Variants in DDC observed in about 807,000 individuals in gnomAD.
The protein encoded by DDC is aromatic-L-amino-acid decarboxylase.
DDC carries 43 observed loss-of-function variants against 60.0 expected under a neutral mutation model. That is an observed-to-expected ratio of 0.72 (90% confidence interval 0.56 to 0.92). The LOEUF (loss-of-function observed/expected upper bound fraction) is 0.92, where lower values mean the gene tolerates loss of function less well. DDC is among the 40% of genes least tolerant of loss of function. The pLI is 0.00. For synonymous variants in DDC, 232 were observed against 234.6 expected (o/e 0.99, Z 0.10); for missense variants, 573 against 620.2 (o/e 0.92, Z 0.81).
At chr7:50,459,168 G>T (rs568850859) in intron 14 of DDC, among the ~76,000 whole-genome samples, 4 of 152,204 alleles carry the variant, frequency 2.6e-5, no homozygotes, top group African/African-American at 7.2e-5. Context: ...TGTGTTGGCC[G>T]GGCTGGTCTC....
Position 50,529,296 on chromosome 7 carries a change from G to A in DDC, c.482C>T (p.Thr161Ile), listed in dbSNP as rs1000720370. Residue 161 changes from threonine (T) to isoleucine (I), a missense_variant, in exon 5 of 15, where the codon ACC becomes ATC. Transcript: ENST00000444124. ...TGCCTGCAGCCGATGGATCACTTTG[G>A]TCCGAGCGGCCAGCAGGGCCACCAG... ...ATLVALLAARTKVIHRLQAAS... is the reference protein window; with the variant it reads ...ATLVALLAARIKVIHRLQAAS... 3.1e-6 allele frequency: 5 copies of A among 1,614,196 alleles called. No homozygotes were observed. The East Asian group carries it at 1.1e-4, about 36-fold the overall frequency.
rs752004299 is a variant in DDC at position 50,495,421 on chromosome 7, C to A, written c.877-4G>T. On this transcript the variant is annotated splice_polypyrimidine_tract_variant and splice_region_variant and intron_variant, in intron 8 of 14. Coordinates refer to ENST00000444124, the MANE Select transcript of DDC (RefSeq NM_001082971.2). ...TAAAGTTGAATGAATCTGCAAACTG[C>A]CAAAGAACAAGAGTAAGAAAAAGAA... The A allele has an allele frequency of 1.9e-6, 3 of 1,605,180 alleles. No homozygotes were observed. Among genetic ancestry groups the A allele is most frequent in the Non-Finnish European group, 2.6e-6 (3 of 1,172,874 alleles).
At chr7:50,486,465 TAAAC>T (rs2042882081) in intron 9 of DDC, among the ~76,000 whole-genome samples, 1 of 152,218 alleles carries the variant, frequency 6.6e-6, no homozygotes, top group South Asian at 2.1e-4. Flanking sequence ...AGCTATCAAA[TAAAC>T]AAATCAGTAA....
At chr7:50,525,826 A>G (rs1055760881) in intron 6 of DDC, among the ~76,000 whole-genome samples, 2 of 152,094 alleles carry the variant, frequency 1.3e-5, no homozygotes, top group African/African-American at 4.8e-5. Context: ...TGAGCATGAC[A>G]TATTTATCAG....
At chr7:50,469,993 G>GAAAAA (rs1470888362) in intron 12 of DDC, 80 bp downstream of exon 12, 2 of 798,908 alleles carry the variant, frequency 2.5e-6, no homozygotes, top group Non-Finnish European at 4.0e-6. Context: ...AAAAAAAAAA[G>GAAAAA]AAAAAAAATT....
chr7:50,464,001 T>C (rs1466248794), intron 13 of DDC, among the ~76,000 whole-genome samples: 1 of 152,034 alleles, frequency 6.6e-6, no homozygotes, highest in Non-Finnish European at 1.5e-5. Flanking sequence ...CTGGTATCAA[T>C]AAGCCAATGG....
At chr7:50,500,724 C>T (rs983855226) in intron 7 of DDC, among the ~76,000 whole-genome samples, 1 of 152,172 alleles carries the variant, frequency 6.6e-6, no homozygotes, top group Non-Finnish European at 1.5e-5. Flanking sequence ...TATCCGTGTC[C>T]GCAGGACACA....
intron 4 of DDC, among the ~76,000 whole-genome samples, chr7:50,531,032 C>A (rs1585240976): frequency 6.6e-6 from 1 of 152,162 alleles, no homozygotes; most frequent in African/African-American, 2.4e-5. Context: ...GTTTCTGTAG[C>A]ACTAATGGAT....
At chr7:50,553,097 C>T (rs190204560) in intron 1 of DDC, among the ~76,000 whole-genome samples, 2 of 152,356 alleles carry the variant, frequency 1.3e-5, no homozygotes, top group East Asian at 3.9e-4. Flanking sequence ...CAAGCCCATC[C>T]ACGCCACTGT....
chr7:50,479,459 T>A (rs917196683), intron 10 of DDC, among the ~76,000 whole-genome samples: 4 of 152,256 alleles, frequency 2.6e-5, no homozygotes, highest in African/African-American at 9.6e-5. Context: ...TGTCATTATG[T>A]TAAAGACGTT....
At position 50,539,860 on chromosome 7, in the gene DDC, C is replaced by A. The variant is rs1585259804; in HGVS notation, c.315+55G>T. The A allele has an allele frequency of 1.0e-5, 14 of 1,396,306 alleles. No homozygotes were observed. In the South Asian group the frequency reaches 1.4e-4, roughly 14 times the overall value. The allele number at this position is 1,396,306 out of a possible 1,614,324, so 86.5% of individuals were successfully genotyped here. A position where few individuals can be genotyped will look rare whatever the true frequency, so the allele number is the denominator to read the frequency against. On this transcript the variant is annotated intron_variant, in intron 3 of 14. Coordinates refer to ENST00000444124, the MANE Select transcript of DDC (RefSeq NM_001082971.2). ...CTTGTGCATAGGTACCGTGTCCCCA[C>A]CCCGGGATCCCACCACAGCCAGGAC...
chr7:50,515,580 T>C (rs1374156587), intron 6 of DDC, among the ~76,000 whole-genome samples: 2 of 152,212 alleles, frequency 1.3e-5, no homozygotes, highest in Non-Finnish European at 2.9e-5. Context: ...GGGTACCTCA[T>C]ATTTCAATAC....
At chr7:50,478,395 T>C (rs970215651) in intron 10 of DDC, among the ~76,000 whole-genome samples, 3 of 152,228 alleles carry the variant, frequency 2.0e-5, no homozygotes, top group Admixed American at 2.0e-4. Context: ...CTTCAACAGA[T>C]GAGCCACGTT....
chr7:50,483,149 A>AAGTAAAG, intron 9 of DDC, among the ~76,000 whole-genome samples: 1 of 152,060 alleles, frequency 6.6e-6, no homozygotes, highest in African/African-American at 2.4e-5. Context: ...GTTTTTTGGT[A>AAGTAAAG]GTTACCTTTT....
chr7:50,511,112 A>C (rs2043564583), intron 6 of DDC, among the ~76,000 whole-genome samples: 1 of 150,726 alleles, frequency 6.6e-6, no homozygotes, highest in Non-Finnish European at 1.5e-5. Context: ...ATTTAATAGG[A>C]GTTCATAAAA....
At chr7:50,472,863 C>T (rs1408978183) in intron 11 of DDC, among the ~76,000 whole-genome samples, 1 of 152,192 alleles carries the variant, frequency 6.6e-6, no homozygotes, top group African/African-American at 2.4e-5. Context: ...TTCTCACTGG[C>T]CCAGTAGGCA....
intron 9 of DDC, among the ~76,000 whole-genome samples, chr7:50,492,481 C>T (rs1406339187): frequency 6.6e-6 from 1 of 152,130 alleles, no homozygotes; most frequent in Non-Finnish European, 1.5e-5. Context: ...TTCTCTATTG[C>T]AATTTAAAAA....
chr7:50,461,254 ATC>A (rs1232972430), intron 14 of DDC, among the ~76,000 whole-genome samples: 1 of 152,188 alleles, frequency 6.6e-6, no homozygotes, highest in Non-Finnish European at 1.5e-5. Context: ...GTCAACTAGA[ATC>A]TCTGCCTAAT....
At position 50,487,144 on chromosome 7, in the gene DDC, C is replaced by T. The variant is rs868310903; in HGVS notation, c.945-7281G>A. 1.3e-5 allele frequency among the ~76,000 whole-genome samples: 2 copies of T among 152,248 alleles called. 1 individual carries two copies. Among genetic ancestry groups the T allele is most frequent in the Middle Eastern group, 6.8e-3 (2 of 294 alleles). The stretch of plus-strand genomic sequence containing the variant: ...TATGTCATGTGGAAATAATATTTTG[C>T]TACCAATTATATGAAAGAGTTCTAA... On this transcript the variant is annotated intron_variant, in intron 9 of 14. Transcript: ENST00000444124.
Sources: allele counts gnomAD v4.1 joint callset (sites outside exome capture counted in the v4.1 genomes callset), GRCh38; gene constraint gnomAD v4.1.1; transcripts MANE v1.5; gene names NCBI Gene and HGNC (gene_info 2026-07-23, HGNC 2026-07-21).